ZMYND8: variants seen among roughly 807,000 people sequenced by gnomAD.
The protein encoded by ZMYND8 is zinc finger MYND-type containing 8, also known as MYND-type zinc finger-containing chromatin reader ZMYND8.
Under a neutral mutation model 140.8 loss-of-function variants are expected in ZMYND8, and 37 were observed. That is an observed-to-expected ratio of 0.26 (90% confidence interval 0.20 to 0.35). The LOEUF is 0.35. Among genes scored for constraint, ZMYND8 ranks in the 10% least tolerant of loss-of-function variants. The pLI is 1.00. For synonymous variants in ZMYND8, 592 were observed against 597.1 expected (o/e 0.99, Z 0.12); for missense variants, 1,068 against 1,570.0 (o/e 0.68, Z 5.40).
chr20:47,286,545 T>C (rs566306506), intron 8 of ZMYND8, among the ~76,000 whole-genome samples: 11 of 152,154 alleles, frequency 7.2e-5, no homozygotes, highest in African/African-American at 1.2e-4. Context: ...TATATATCCA[T>C]ATATAAAAAG....
chr20:47,244,988 C>T (rs961637859), intron 14 of ZMYND8, among the ~76,000 whole-genome samples: 1 of 151,852 alleles, frequency 6.6e-6, no homozygotes, highest in African/African-American at 2.4e-5. Context: ...ACCCGGGAGG[C>T]GGAGGTTGCA....
At chr20:47,216,592 G>T (rs1296007781) in intron 21 of ZMYND8, among the ~76,000 whole-genome samples, 2 of 149,974 alleles carry the variant, frequency 1.3e-5, no homozygotes, top group African/African-American at 4.9e-5. Flanking sequence ...GAAATCACCT[G>T]AGGTCAGGGG....
intron 2 of ZMYND8, chr20:47,319,235 A>C (rs1188152016): frequency 1.1e-5 from 4 of 364,450 alleles, no homozygotes; most frequent in South Asian, 8.2e-5. Flanking sequence ...TTTCGCCTAT[A>C]ATTTATCACC....
chr20:47,354,726 G>A lies in ZMYND8; in HGVS notation c.14+1931C>T, dbSNP rs557162610. 1.4e-4 allele frequency: 22 copies of A among 152,232 alleles called. No homozygotes were observed. The South Asian group carries it at 4.2e-3, about 29-fold the overall frequency. 9.4% of individuals were successfully genotyped at this position (152,232 alleles called of 1,614,324 possible). On this transcript the variant is annotated intron_variant, in intron 1 of 22. Transcript: ENST00000471951. The stretch of plus-strand genomic sequence containing the variant: ...AATTGAATATATTTCCTGCATTTAC[G>A]GTCATGTCGGATTGGTCTCCAAGCT...
intron 14 of ZMYND8, among the ~76,000 whole-genome samples, chr20:47,241,326 TAAAA>T (rs1270479815): frequency 7.3e-6 from 1 of 137,904 alleles, no homozygotes; most frequent in African/African-American, 2.7e-5. Context: ...ATTCTTTAAA[TAAAA>T]AAAGTCAAAA....
At chr20:47,274,637 T>G (rs946729567) in intron 11 of ZMYND8, among the ~76,000 whole-genome samples, 5 of 152,116 alleles carry the variant, frequency 3.3e-5, no homozygotes, top group African/African-American at 1.2e-4. Context: ...CAACACAAAT[T>G]ATGTCAATTC....
At chr20:47,270,297 C>T (rs1165978988) in intron 11 of ZMYND8, among the ~76,000 whole-genome samples, 1 of 145,016 alleles carries the variant, frequency 6.9e-6, no homozygotes, top group Non-Finnish European at 1.5e-5. Context: ...CGCTTGAACC[C>T]AGGTGGTAGA....
intron 12 of ZMYND8, among the ~76,000 whole-genome samples, chr20:47,259,476 C>T (rs1407900816): frequency 6.6e-6 from 1 of 152,144 alleles, no homozygotes; most frequent in African/African-American, 2.4e-5. Context: ...CCCTCAGTTT[C>T]TCCATCTGAA....
chr20:47,348,197 C>T, intron 1 of ZMYND8: 1 of 462,148 alleles, frequency 2.2e-6, no homozygotes, highest in Non-Finnish European at 4.0e-6. Flanking sequence ...ATTTTTTAGA[C>T]ACACAATTAC....
intron 2 of ZMYND8, chr20:47,320,564 C>G (rs1394560341): frequency 6.6e-6 from 1 of 152,260 alleles, no homozygotes; most frequent in Non-Finnish European, 1.5e-5. Context: ...ATTAAAAATA[C>G]AAAAATTAGC....
rs575658999 is a variant in ZMYND8, at chr20:47,241,112, G to C, written c.2285-1974C>G. ...AGTTCGAAACCAGTCTGGCCAACAT[G>C]GTGAAACCCCATCTCTACTAAAGAT... On this transcript the variant is annotated intron_variant, in intron 14 of 22. Coordinates refer to ENST00000471951, the MANE Select transcript of ZMYND8 (RefSeq NM_001281775.3). 1.8e-3 allele frequency among the ~76,000 whole-genome samples: 268 copies of C among 151,874 alleles called. 1 individual carries two copies. The highest frequency in any genetic ancestry group is 3.4e-3 in the Middle Eastern group (1 of 294).
At chr20:47,323,299 G>GT (rs1270938620) in intron 2 of ZMYND8, among the ~76,000 whole-genome samples, 1 of 152,140 alleles carries the variant, frequency 6.6e-6, no homozygotes, top group African/African-American at 2.4e-5. Context: ...CTGCAGGACA[G>GT]TGGCACAGTC....
chr20:47,335,911 G>A (rs1279886450), intron 2 of ZMYND8, among the ~76,000 whole-genome samples: 1 of 152,172 alleles, frequency 6.6e-6, no homozygotes, highest in South Asian at 2.1e-4. Flanking sequence ...GAACAATCTG[G>A]TAGTCATCTA....
chr20:47,334,926 A>G (rs1569224485), intron 2 of ZMYND8, among the ~76,000 whole-genome samples: 1 of 151,880 alleles, frequency 6.6e-6, no homozygotes, highest in South Asian at 2.1e-4. Flanking sequence ...AAAATATATT[A>G]AAAACCATCA....
In ZMYND8 at chr20:47,246,264, C is replaced by T; in HGVS notation, c.2028G>A (p.Glu676=). 6.2e-7 allele frequency: 1 copy of T among 1,614,202 alleles called. No homozygotes were observed. The highest frequency in any genetic ancestry group is 8.5e-7 in the Non-Finnish European group (1 of 1,180,042). The change falls in exon 14 of 23, where the codon GAG becomes GAA. Residue 676 remains glutamate (E), a synonymous_variant. Transcript: ENST00000471951. The part of the protein sequence containing the change: ...EELKSTSPAS[E]KADPGAVKDK... ...CCTTGACTGCTCCAGGGTCTGCCTT[C>T]TCGCTGGCTGGTGACGTGCTTTTCA... is the stretch of plus-strand genomic sequence containing the variant.
At chr20:47,334,605 A>AAAATATATAT (rs773739583) in intron 2 of ZMYND8, among the ~76,000 whole-genome samples, 44 of 141,722 alleles carry the variant, frequency 3.1e-4, no homozygotes, top group African/African-American at 1.1e-3. Flanking sequence ...GAAAAAAAAA[A>AAAATATATAT]ATATATATAT....
chr20:47,255,765 C>T (rs1170685777), intron 12 of ZMYND8, among the ~76,000 whole-genome samples: 684 of 44,704 alleles, frequency 0.015, 7 homozygotes, highest in East Asian at 0.048. Context: ...TATATATATA[C>T]GGTATATATA....
At chr20:47,287,388 G>C in intron 7 of ZMYND8, 104 bp from the exon 8 acceptor site, 1 of 1,015,470 alleles carries the variant, frequency 9.8e-7, no homozygotes, top group South Asian at 1.4e-5. Context: ...TTTCCCCCAG[G>C]ATTAAGCTTT....
intron 6 of ZMYND8, among the ~76,000 whole-genome samples, chr20:47,290,881 G>A (rs569160046): frequency 1.3e-5 from 2 of 151,950 alleles, no homozygotes; most frequent in Admixed American, 6.6e-5. Flanking sequence ...TTGAGCCACC[G>A]CGCCCGGCCA....
Sources: allele counts gnomAD v4.1 joint callset (sites outside exome capture counted in the v4.1 genomes callset), GRCh38; gene constraint gnomAD v4.1.1; transcripts MANE v1.5; gene names NCBI Gene and HGNC (gene_info 2026-07-23, HGNC 2026-07-21).